The following WWOX variants were observed in gnomAD, a reference collection of about 807,000 sequenced individuals.
WWOX encodes the protein WW domain containing oxidoreductase, also known as WW domain-containing oxidoreductase.
WWOX carries 69 observed loss-of-function variants against 46.2 expected under a neutral mutation model. The observed-to-expected ratio is 1.49, with a 90% CI of 1.23 to 1.82. The LOEUF (loss-of-function observed/expected upper bound fraction) is 1.82, where lower values mean the gene tolerates loss of function less well. Ranked by LOEUF, WWOX falls within the 40% of genes most tolerant of loss-of-function variation. The probability of loss-of-function intolerance (pLI) is 0.00; values close to 1 mark genes in which losing one functional copy is unlikely to be tolerated. For synonymous variants in WWOX, 359 were observed against 202.6 expected, an observed-to-expected ratio of 1.77 and a Z score of -6.56; for missense variants, 919 against 542.6, an observed-to-expected ratio of 1.69 and a Z score of -6.89.
intron 8 of WWOX, among the ~76,000 whole-genome samples, chr16:78,932,263 G>A (rs979771057): frequency 2.0e-5 from 3 of 152,152 alleles, no homozygotes; most frequent in Admixed American, 1.3e-4. Flanking sequence ...AGGGATGAAG[G>A]TATCTGGTCC....
rs117606173 is a variant in WWOX, at chr16:78,965,848, G to A, written c.1057-245760G>A. The stretch of plus-strand genomic sequence containing the variant: ...GTTTGATTCTATTGTGGGCACAGGA[G>A]CAGTTCTTAGATTAACACTATTAGA... On this transcript the variant is annotated intron_variant, in intron 8 of 8. Coordinates refer to ENST00000566780, the MANE Select transcript of WWOX (RefSeq NM_016373.4). Among the ~76,000 whole-genome samples the A allele has an allele frequency of 6.0e-4, 91 of 152,284 alleles. 1 individual carries two copies. The East Asian group carries it at 0.016, about 27-fold the overall frequency.
In WWOX at chr16:78,816,647, A is replaced by C. The variant is rs79828278; in HGVS notation, c.1056+383895A>C. ...AATACAGATGTAGCTGTGTCACATT[A>C]AAAGCACAACCAAATTGTAGTACAA... On this transcript the variant is annotated intron_variant, in intron 8 of 8. Coordinates refer to ENST00000566780, the MANE Select transcript of WWOX (RefSeq NM_016373.4). 3.6e-3 allele frequency among the ~76,000 whole-genome samples: 541 copies of C among 151,964 alleles called. 4 individuals carry two copies. Among genetic ancestry groups the C allele is most frequent in the African/African-American group, 0.013 (522 of 41,448 alleles).
At chr16:78,867,186 C>T (rs904010988) in intron 8 of WWOX, among the ~76,000 whole-genome samples, 3 of 152,128 alleles carry the variant, frequency 2.0e-5, no homozygotes, top group African/African-American at 7.2e-5. Flanking sequence ...AAAACTGCAA[C>T]TCATCTTCAT....
At chr16:79,104,942 C>A (rs939976341) in intron 8 of WWOX, among the ~76,000 whole-genome samples, 2 of 152,138 alleles carry the variant, frequency 1.3e-5, no homozygotes, top group Non-Finnish European at 2.9e-5. Context: ...CAAAGCAGGT[C>A]GTTAGGGGTC....
rs75461812 is a variant in WWOX, at chr16:78,969,974, C to G, written c.1057-241634C>G. On this transcript the variant is annotated intron_variant, in intron 8 of 8. Coordinates refer to ENST00000566780, the MANE Select transcript of WWOX (RefSeq NM_016373.4). ...TTTGATTGTACTAAAACTTTGAACA[C>G]TTTAAATGGGTGAATTGTATGGTAT... Among the ~76,000 whole-genome samples, 346 of 152,294 alleles carry G rather than the reference C, an allele frequency of 2.3e-3. 7 individuals are homozygous for G. In the East Asian group the frequency reaches 0.055, roughly 24 times the overall value.
intron 8 of WWOX, among the ~76,000 whole-genome samples, chr16:79,117,823 C>A (rs921670965): frequency 6.6e-6 from 1 of 152,228 alleles, no homozygotes; most frequent in Non-Finnish European, 1.5e-5. Flanking sequence ...TCTGCAGCTT[C>A]CTCACCCCTC....
intron 8 of WWOX, among the ~76,000 whole-genome samples, chr16:78,853,939 C>T (rs1441845518): frequency 6.6e-6 from 1 of 152,112 alleles, no homozygotes; most frequent in Non-Finnish European, 1.5e-5. Flanking sequence ...TGGATACAAA[C>T]ATATGCCTTT....
intron 8 of WWOX, among the ~76,000 whole-genome samples, chr16:78,765,138 G>T (rs1396759502): frequency 6.6e-6 from 1 of 152,202 alleles, no homozygotes; most frequent in African/African-American, 2.4e-5. Context: ...GGTCCTTGAA[G>T]GATGCTGCAG....
At chr16:78,171,795 A>G (rs950047646) in intron 5 of WWOX, among the ~76,000 whole-genome samples, 1 of 152,184 alleles carries the variant, frequency 6.6e-6, no homozygotes, top group Non-Finnish European at 1.5e-5. Context: ...AACCAGCAAG[A>G]ACTATATAAG....
chr16:78,943,435 C>A (rs1004435387), intron 8 of WWOX, among the ~76,000 whole-genome samples: 1 of 152,152 alleles, frequency 6.6e-6, no homozygotes, highest in Non-Finnish European at 1.5e-5. Flanking sequence ...ACCTGGAGAA[C>A]TCCTAGAGGG....
intron 8 of WWOX, among the ~76,000 whole-genome samples, chr16:78,501,579 C>G (rs542987325): frequency 7.6e-4 from 116 of 151,856 alleles, no homozygotes; most frequent in African/African-American, 2.7e-3. Flanking sequence ...CTCTGTCACC[C>G]AGGCTGGAGT....
In WWOX at chr16:78,872,157, C is replaced by G. The variant is rs115795030; in HGVS notation, c.1057-339451C>G. On this transcript the variant is annotated intron_variant, in intron 8 of 8. Coordinates refer to ENST00000566780, the MANE Select transcript of WWOX (RefSeq NM_016373.4). Reference sequence around the variant, plus strand: ...GGAATTCTGGTTATAATTGCAGGTACTTTTAGAGACGATGTCTAACAGTGC... The same window carrying G: ...GGAATTCTGGTTATAATTGCAGGTAGTTTTAGAGACGATGTCTAACAGTGC... Among the ~76,000 whole-genome samples, 424 of 152,272 alleles carry G rather than the reference C, an allele frequency of 2.8e-3. 2 individuals carry two copies. Among genetic ancestry groups the G allele is most frequent in the African/African-American group, 9.4e-3 (389 of 41,536 alleles).
At chr16:79,170,299 A>C (rs910490943) in intron 8 of WWOX, among the ~76,000 whole-genome samples, 1 of 152,218 alleles carries the variant, frequency 6.6e-6, no homozygotes, top group Non-Finnish European at 1.5e-5. Flanking sequence ...GAGGAAATAG[A>C]GGATCAGAGA....
intron 4 of WWOX, among the ~76,000 whole-genome samples, chr16:78,129,283 A>G (rs1597241300): frequency 8.8e-6 from 1 of 113,526 alleles, no homozygotes; most frequent in East Asian, 3.3e-4. Context: ...GAGTGTACAC[A>G]TGTTTGCATC....
intron 8 of WWOX, among the ~76,000 whole-genome samples, chr16:79,108,778 G>A (rs369566768): frequency 3.9e-5 from 6 of 152,014 alleles, no homozygotes; most frequent in African/African-American, 1.4e-4. Context: ...GCGTGTGCCT[G>A]TAATCCTAGC....
intron 8 of WWOX, among the ~76,000 whole-genome samples, chr16:78,436,817 C>T (rs1050749164): frequency 6.6e-6 from 1 of 152,192 alleles, no homozygotes; most frequent in Non-Finnish European, 1.5e-5. Context: ...TTGGGCTATC[C>T]TGCGTATGTG....
chr16:78,631,369 CCAAAACAGAACT>C (rs1441113338), intron 8 of WWOX, among the ~76,000 whole-genome samples: 1 of 152,064 alleles, frequency 6.6e-6, no homozygotes, highest in African/African-American at 2.4e-5. Context: ...CATCCATTCC[CCAAAACAGAACT>C]CAAACTGACG....
chr16:78,970,069 G>A (rs1475718064), intron 8 of WWOX, among the ~76,000 whole-genome samples: 2 of 152,140 alleles, frequency 1.3e-5, no homozygotes, highest in African/African-American at 2.4e-5. Context: ...GTAGTCTAAC[G>A]CTCAAATTTC....
rs146347134 is a variant in WWOX, at chr16:78,157,491, C to T, written c.410-6692C>T. On this transcript the variant is annotated intron_variant, in intron 4 of 8. Coordinates refer to ENST00000566780, the MANE Select transcript of WWOX (RefSeq NM_016373.4). ...AAGGTTGGAGATACAGCTTCAAAAA[C>T]CTTTTACTACCCACACACCCAAGGG... Among the ~76,000 whole-genome samples, 15 of 152,306 alleles carry T rather than the reference C, an allele frequency of 9.8e-5. No homozygotes were observed. In the East Asian group the frequency reaches 2.9e-3, roughly 29 times the overall value.
Sources: allele counts gnomAD v4.1 joint callset (sites outside exome capture counted in the v4.1 genomes callset), GRCh38; gene constraint gnomAD v4.1.1; transcripts MANE v1.5; gene names NCBI Gene and HGNC (gene_info 2026-07-23, HGNC 2026-07-21).